The following PRKCA variants were observed in gnomAD, a reference collection of about 807,000 sequenced individuals.
PRKCA encodes the protein protein kinase C alpha, also known as protein kinase C alpha type.
PRKCA carries 27 observed loss-of-function variants against 87.0 expected under a neutral mutation model. That is an observed-to-expected ratio of 0.31 (90% CI 0.23 to 0.43). PRKCA has a LOEUF of 0.43. Ranked by LOEUF, PRKCA falls within the 20% of genes least tolerant of loss-of-function variation. The pLI is 1.00. For synonymous variants in PRKCA, 329 were observed against 311.1 expected (o/e 1.06, Z -0.61); for missense variants, 518 against 852.3 (o/e 0.61, Z 4.88).
At chr17:66,781,889 T>TATATATATA (rs1568030784) in intron 14 of PRKCA, among the ~76,000 whole-genome samples, 15 of 97,722 alleles carry the variant, frequency 1.5e-4, no homozygotes, top group African/African-American at 5.7e-4. Flanking sequence ...ATATATATAG[T>TATATATATA]GTGTGTGTGT....
intron 13 of PRKCA, among the ~76,000 whole-genome samples, chr17:66,770,709 G>A (rs1301849808): frequency 6.6e-6 from 1 of 152,174 alleles, no homozygotes; most frequent in African/African-American, 2.4e-5. Context: ...AGTAGCAATG[G>A]GAGCAGCTGT....
chr17:66,666,327 C>T lies in PRKCA; in HGVS notation c.530-20784C>T, dbSNP rs117070091. 1.8e-4 allele frequency among the ~76,000 whole-genome samples: 28 copies of T among 152,326 alleles called. No homozygotes were observed. The East Asian group carries it at 5.2e-3, about 28-fold the overall frequency. On this transcript the variant is annotated intron_variant, in intron 5 of 16. Coordinates refer to ENST00000413366, the MANE Select transcript of PRKCA (RefSeq NM_002737.3). Reference sequence around the variant, plus strand: ...AACATTCATCTCAAGTTAGAGGCGGCTGCTGTGCTGCTGGGGCCAGAAGCA... The same window carrying T: ...AACATTCATCTCAAGTTAGAGGCGGTTGCTGTGCTGCTGGGGCCAGAAGCA...
intron 3 of PRKCA, among the ~76,000 whole-genome samples, chr17:66,559,270 A>C (rs1370160150): frequency 6.6e-6 from 1 of 151,856 alleles, no homozygotes; most frequent in African/African-American, 2.4e-5. Flanking sequence ...CAGGAGTTCA[A>C]GACCAGCCTG....
chr17:66,628,503 C>G (rs1211040116), intron 3 of PRKCA, among the ~76,000 whole-genome samples: 2 of 151,938 alleles, frequency 1.3e-5, no homozygotes, highest in Non-Finnish European at 1.5e-5. Context: ...CTCTTTTTTT[C>G]TCTCTCATCT....
chr17:66,726,007 C>G (rs770094797), intron 8 of PRKCA, among the ~76,000 whole-genome samples: 3 of 152,010 alleles, frequency 2.0e-5, no homozygotes. Context: ...AGCTGGAGCT[C>G]GGTCTTCTTG....
At chr17:66,334,975 T>C (rs1458111650) in intron 2 of PRKCA, among the ~76,000 whole-genome samples, 3 of 152,170 alleles carry the variant, frequency 2.0e-5, no homozygotes, top group African/African-American at 7.2e-5. Flanking sequence ...TTCAAAGACA[T>C]TATGCCAAGT....
intron 2 of PRKCA, among the ~76,000 whole-genome samples, chr17:66,383,977 G>A (rs1909910278): frequency 6.6e-6 from 1 of 151,948 alleles, no homozygotes; most frequent in East Asian, 1.9e-4. Flanking sequence ...TTTTGATGAA[G>A]CCATTAATGT....
intron 2 of PRKCA, among the ~76,000 whole-genome samples, chr17:66,458,023 C>T (rs1245068539): frequency 6.6e-6 from 1 of 152,106 alleles, no homozygotes; most frequent in Non-Finnish European, 1.5e-5. Context: ...TCCCACCCAC[C>T]AAATTGGTTT....
At chr17:66,606,514 A>C (rs1970213670) in intron 3 of PRKCA, among the ~76,000 whole-genome samples, 1 of 152,232 alleles carries the variant, frequency 6.6e-6, no homozygotes, top group Non-Finnish European at 1.5e-5. Flanking sequence ...AATAATTCTA[A>C]AAGAGAGCTT....
chr17:66,475,357 TTTG>T (rs1915495096), intron 2 of PRKCA, among the ~76,000 whole-genome samples: 1 of 152,130 alleles, frequency 6.6e-6, no homozygotes, highest in Non-Finnish European at 1.5e-5. Flanking sequence ...CATTAATGTG[TTTG>T]TTAAAATGCC....
At chr17:66,651,707 C>T (rs1368693638) in intron 5 of PRKCA, among the ~76,000 whole-genome samples, 2 of 152,146 alleles carry the variant, frequency 1.3e-5, no homozygotes, top group African/African-American at 4.8e-5. Flanking sequence ...GTATCTGCTC[C>T]TTTGGTTTGG....
intron 8 of PRKCA, among the ~76,000 whole-genome samples, chr17:66,699,086 C>G (rs1052425146): frequency 6.0e-5 from 9 of 150,498 alleles, no homozygotes; most frequent in African/African-American, 2.2e-4. Flanking sequence ...GTAGTCCCAG[C>G]TACTTAGAGG....
At chr17:66,318,948 C>T (rs1340623804) in intron 2 of PRKCA, among the ~76,000 whole-genome samples, 1 of 109,494 alleles carries the variant, frequency 9.1e-6, no homozygotes, top group African/African-American at 3.5e-5. Flanking sequence ...CGGCAAAAAC[C>T]TGTCTCTACA....
chr17:66,545,211 G>T (rs762926572), intron 3 of PRKCA, among the ~76,000 whole-genome samples: 8 of 151,624 alleles, frequency 5.3e-5, no homozygotes, highest in Non-Finnish European at 2.9e-5. Context: ...GGCAGATCAC[G>T]AGGTCAGGAG....
chr17:66,749,200 T>C (rs1457109514), intron 13 of PRKCA, among the ~76,000 whole-genome samples: 1 of 152,024 alleles, frequency 6.6e-6, no homozygotes, highest in African/African-American at 2.4e-5. Context: ...GAATTGGGTA[T>C]CTTGGAGAAG....
chr17:66,730,981 A>G (rs572280045), intron 8 of PRKCA, among the ~76,000 whole-genome samples: 38 of 152,302 alleles, frequency 2.5e-4, no homozygotes, highest in Non-Finnish European at 4.3e-4. Context: ...GTAACCACCA[A>G]GGTGTTGACT....
intron 2 of PRKCA, among the ~76,000 whole-genome samples, chr17:66,448,177 G>A (rs562915849): frequency 2.6e-5 from 4 of 152,186 alleles, no homozygotes; most frequent in South Asian, 2.1e-4. Flanking sequence ...AGTTGATATC[G>A]TGCTGTTATT....
chr17:66,704,819 G>A (rs914411905), intron 8 of PRKCA, among the ~76,000 whole-genome samples: 1 of 152,202 alleles, frequency 6.6e-6, no homozygotes, highest in Admixed American at 6.5e-5. Context: ...ACAAAGATGA[G>A]ACTCTGTTGC....
chr17:66,657,655 T>C (rs1971771824), intron 5 of PRKCA, among the ~76,000 whole-genome samples: 1 of 152,142 alleles, frequency 6.6e-6, no homozygotes, highest in African/African-American at 2.4e-5. Flanking sequence ...GGAAGAACTC[T>C]CACAGGTGAA....
Sources: gnomAD v4.1 joint callset for allele counts (sites outside exome capture counted in the v4.1 genomes callset) on GRCh38, gnomAD v4.1.1 for gene constraint, MANE v1.5 for transcripts, NCBI Gene and HGNC (gene_info 2026-07-23, HGNC 2026-07-21) for gene names.